Variants in GRIN2A observed in about 807,000 individuals in gnomAD.
The protein encoded by GRIN2A is glutamate ionotropic receptor NMDA type subunit 2A, also known as glutamate receptor ionotropic, NMDA 2A.
In GRIN2A, 22 loss-of-function variants were observed where a neutral mutation model predicts 113.4. The ratio of observed to expected loss-of-function variants is 0.19; its 90% CI spans 0.14 to 0.28. GRIN2A has a LOEUF of 0.28. GRIN2A is among the 10% of genes least tolerant of loss of function. GRIN2A has a pLI of 1.00. For synonymous variants in GRIN2A, 827 were observed against 738.4 expected (o/e 1.12, Z -1.94); for missense variants, 1,502 against 1,887.0 (o/e 0.80, Z 3.78).
intron 2 of GRIN2A, among the ~76,000 whole-genome samples, chr16:10,080,552 G>A (rs938306706): frequency 2.6e-5 from 4 of 152,148 alleles, no homozygotes; most frequent in Non-Finnish European, 4.4e-5. Context: ...CTTGGAAGCC[G>A]AGCAACACGC....
chr16:10,059,538 T>C (rs1490854042), intron 2 of GRIN2A, among the ~76,000 whole-genome samples: 3 of 152,078 alleles, frequency 2.0e-5, no homozygotes, highest in African/African-American at 7.2e-5. Flanking sequence ...TGATATATTT[T>C]GGAGGTAAAA....
At chr16:9,803,758 C>A (rs937030467) in intron 10 of GRIN2A, among the ~76,000 whole-genome samples, 1 of 152,182 alleles carries the variant, frequency 6.6e-6, no homozygotes, top group African/African-American at 2.4e-5. Flanking sequence ...TACCACCCAG[C>A]CCATACGTGT....
chr16:9,784,815 A>G (rs1284114938), intron 11 of GRIN2A, among the ~76,000 whole-genome samples: 1 of 137,580 alleles, frequency 7.3e-6, no homozygotes, highest in Non-Finnish European at 1.6e-5. Context: ...GAAGACATTT[A>G]TGCAGTCAAA....
chr16:10,125,511 C>T (rs1234351950), intron 2 of GRIN2A, among the ~76,000 whole-genome samples: 1 of 151,994 alleles, frequency 6.6e-6, no homozygotes, highest in African/African-American at 2.4e-5. Context: ...GGAGGCCTCC[C>T]TCAATTACAC....
At chr16:9,805,357 C>A (rs1168543899) in intron 10 of GRIN2A, 1 of 152,148 alleles carries the variant, frequency 6.6e-6, no homozygotes, top group Non-Finnish European at 1.5e-5. Context: ...ATTCAAGAAG[C>A]CTTTAACAAG....
At chr16:10,068,760 A>C (rs1022393248) in intron 2 of GRIN2A, among the ~76,000 whole-genome samples, 4 of 152,202 alleles carry the variant, frequency 2.6e-5, no homozygotes, top group African/African-American at 4.8e-5. Context: ...AGAGTAAAGG[A>C]CAGAGGCCAG....
intron 2 of GRIN2A, among the ~76,000 whole-genome samples, chr16:10,178,861 T>C (rs895365942): frequency 1.3e-5 from 2 of 152,192 alleles, no homozygotes; most frequent in African/African-American, 4.8e-5. Flanking sequence ...TCTCCTGCCA[T>C]CTAAGGAACA....
intron 2 of GRIN2A, among the ~76,000 whole-genome samples, chr16:9,979,050 T>G (rs1481251748): frequency 6.6e-6 from 1 of 152,198 alleles, no homozygotes; most frequent in Non-Finnish European, 1.5e-5. Flanking sequence ...TGCGGGTCCC[T>G]CACTCTGGTT....
intron 2 of GRIN2A, chr16:10,112,809 G>T: frequency 1.5e-6 from 1 of 661,612 alleles, no homozygotes; most frequent in South Asian, 1.4e-5. Context: ...GCTCAAATTT[G>T]AGAAGTGGAC....
At chr16:9,941,610 A>C (rs369049854) in intron 2 of GRIN2A, among the ~76,000 whole-genome samples, 5 of 152,170 alleles carry the variant, frequency 3.3e-5, no homozygotes, top group African/African-American at 1.2e-4. Flanking sequence ...AAAATGGAGA[A>C]TACTAGAACC....
At chr16:10,056,305 C>A (rs574258510) in intron 2 of GRIN2A, among the ~76,000 whole-genome samples, 1 of 152,234 alleles carries the variant, frequency 6.6e-6, no homozygotes, top group South Asian at 2.1e-4. Context: ...ACCCTTGATC[C>A]ATTCAACCCT....
Position 9,916,128 on chromosome 16 carries a change from T to C in GRIN2A, c.1007+21831A>G, listed in dbSNP as rs186470403. Among the ~76,000 whole-genome samples, 3 of 152,332 alleles carry C rather than the reference T, an allele frequency of 2.0e-5. No individual in the cohort carries two copies. The East Asian group carries it at 5.8e-4, about 29-fold the overall frequency. On this transcript the variant is annotated intron_variant, in intron 3 of 12. Coordinates refer to ENST00000330684, the MANE Select transcript of GRIN2A (RefSeq NM_001134407.3). ...TATGATGTCACCTCTGTGAACATTA[T>C]CTGTAAAATTGGAATAATCCCATGC...
At chr16:10,146,396 C>A (rs563902608) in intron 2 of GRIN2A, among the ~76,000 whole-genome samples, 3 of 152,250 alleles carry the variant, frequency 2.0e-5, no homozygotes, top group South Asian at 4.2e-4. Flanking sequence ...TGAGCCACCA[C>A]GCCCAGCCCA....
chr16:9,870,134 G>A (rs1266222550), intron 4 of GRIN2A, among the ~76,000 whole-genome samples: 1 of 152,160 alleles, frequency 6.6e-6, no homozygotes, highest in Non-Finnish European at 1.5e-5. Flanking sequence ...CACGGAGAAG[G>A]CGGTCCTGCC....
intron 2 of GRIN2A, among the ~76,000 whole-genome samples, chr16:10,036,522 A>G (rs1424083972): frequency 1.5e-5 from 2 of 130,802 alleles, no homozygotes; most frequent in Non-Finnish European, 3.1e-5. Context: ...GCAGTGGCGC[A>G]ATCTCGGCTC....
chr16:10,179,893 C>CCAGAAAAAAA, intron 2 of GRIN2A, 105 bp downstream of exon 2: 1 of 719,818 alleles, frequency 1.4e-6, no homozygotes, highest in Non-Finnish European at 2.4e-6. Context: ...CCCCCACCCC[C>CCAGAAAAAAA]ACTTCACATC....
At chr16:10,036,308 G>A (rs112948742) in intron 2 of GRIN2A, among the ~76,000 whole-genome samples, 98 of 152,032 alleles carry the variant, frequency 6.4e-4, no homozygotes, top group African/African-American at 1.9e-3. Flanking sequence ...TCAAGGTGTC[G>A]GTGGTTCCCT....
intron 2 of GRIN2A, among the ~76,000 whole-genome samples, chr16:10,150,227 G>A (rs370549485): frequency 3.3e-5 from 5 of 152,254 alleles, no homozygotes; most frequent in Non-Finnish European, 4.4e-5. Flanking sequence ...GCAGCTTTTC[G>A]CTAAACTTAA....
chr16:9,815,173 T>A (rs1380230526), intron 10 of GRIN2A, among the ~76,000 whole-genome samples: 2 of 152,206 alleles, frequency 1.3e-5, no homozygotes, highest in Non-Finnish European at 2.9e-5. Flanking sequence ...ACTACACTGT[T>A]CTTTTGTTTT....
Sources: allele counts gnomAD v4.1 joint callset (sites outside exome capture counted in the v4.1 genomes callset), GRCh38; gene constraint gnomAD v4.1.1; transcripts MANE v1.5; gene names NCBI Gene and HGNC (gene_info 2026-07-23, HGNC 2026-07-21).